DLG2: variants seen among roughly 807,000 people sequenced by gnomAD.
DLG2 encodes discs large MAGUK scaffold protein 2.
DLG2 carries 45 observed loss-of-function variants against 132.5 expected under a neutral mutation model. That is an observed-to-expected ratio of 0.34 (90% CI 0.27 to 0.44). The LOEUF is 0.44. Ranked by LOEUF, DLG2 falls within the 20% of genes least tolerant of loss-of-function variation. The pLI is 1.00. For synonymous variants in DLG2, 424 were observed against 419.6 expected, an observed-to-expected ratio of 1.01 and a Z score of -0.13; for missense variants, 1,045 against 1,196.9, an observed-to-expected ratio of 0.87 and a Z score of 1.87.
At chr11:84,961,438 C>G (rs1335307882) in intron 6 of DLG2, among the ~76,000 whole-genome samples, 1 of 151,802 alleles carries the variant, frequency 6.6e-6, no homozygotes, top group African/African-American at 2.4e-5. Context: ...ACAGGCCCAA[C>G]CTTTCTCCTG....
At chr11:84,830,369 C>CTT (rs1566080085) in intron 6 of DLG2, among the ~76,000 whole-genome samples, 1 of 147,726 alleles carries the variant, frequency 6.8e-6, no homozygotes, top group Admixed American at 6.8e-5. Context: ...GCGTCATCTA[C>CTT]GTTTTTTTTT....
At chr11:84,171,455 T>C (rs761628955) in intron 8 of DLG2, among the ~76,000 whole-genome samples, 3 of 152,182 alleles carry the variant, frequency 2.0e-5, no homozygotes, top group Non-Finnish European at 2.9e-5. Context: ...ACATAGCTCC[T>C]ACTTATAAGT....
At chr11:83,737,925 T>C (rs1380636686) in intron 18 of DLG2, among the ~76,000 whole-genome samples, 1 of 152,190 alleles carries the variant, frequency 6.6e-6, no homozygotes, top group East Asian at 1.9e-4. Context: ...CTGCCTTACA[T>C]AATCTTCTTT....
chr11:83,917,787 GTCACATGA>G (rs1248055009), intron 15 of DLG2, among the ~76,000 whole-genome samples: 3 of 152,186 alleles, frequency 2.0e-5, no homozygotes, highest in Non-Finnish European at 2.9e-5. Flanking sequence ...GTGCTCATGT[GTCACATGA>G]TAACATACAG....
chr11:84,330,671 G>A (rs553570429), intron 7 of DLG2, among the ~76,000 whole-genome samples: 1 of 152,218 alleles, frequency 6.6e-6, no homozygotes, highest in East Asian at 1.9e-4. Flanking sequence ...CAGAGCAGGG[G>A]AGAAAACTAA....
chr11:84,251,412 G>A (rs921538439), intron 7 of DLG2, 121 bp from the exon 8 acceptor site: 17 of 650,412 alleles, frequency 2.6e-5, no homozygotes, highest in African/African-American at 9.7e-5. Context: ...TACAGGCACC[G>A]TGTCAAGTGT....
chr11:84,767,461 G>T (rs1254938187), intron 6 of DLG2, among the ~76,000 whole-genome samples: 1 of 151,918 alleles, frequency 6.6e-6, no homozygotes, highest in African/African-American at 2.4e-5. Flanking sequence ...TTGCTATGGG[G>T]ATTTAAAAGA....
intron 7 of DLG2, among the ~76,000 whole-genome samples, chr11:84,531,288 T>C (rs1278008997): frequency 1.3e-5 from 2 of 152,000 alleles, no homozygotes; most frequent in African/African-American, 4.8e-5. Context: ...TACATATGGA[T>C]ACAAACAAGG....
chr11:85,316,060 T>C (rs1180256983), intron 3 of DLG2, among the ~76,000 whole-genome samples: 1 of 152,026 alleles, frequency 6.6e-6, no homozygotes, highest in Non-Finnish European at 1.5e-5. Context: ...AGGGTTGAAT[T>C]ACTGTTCACC....
intron 21 of DLG2, among the ~76,000 whole-genome samples, chr11:83,513,472 G>T (rs1337888104): frequency 6.6e-6 from 1 of 152,174 alleles, no homozygotes; most frequent in African/African-American, 2.4e-5. Context: ...CTCCCATTCT[G>T]TAGGTTGCCT....
intron 5 of DLG2, among the ~76,000 whole-genome samples, chr11:85,148,584 A>T (rs559084274): frequency 1.3e-5 from 2 of 152,266 alleles, no homozygotes; most frequent in East Asian, 3.9e-4. Context: ...TCCTTTGCCC[A>T]CTTTTTAATG....
intron 7 of DLG2, among the ~76,000 whole-genome samples, chr11:84,360,621 A>G (rs944930195): frequency 6.6e-6 from 1 of 151,952 alleles, no homozygotes; most frequent in Non-Finnish European, 1.5e-5. Context: ...AGTTTCTCCA[A>G]TGCACTGAAG....
chr11:83,793,747 G>T (rs1237959889), intron 17 of DLG2, among the ~76,000 whole-genome samples: 2 of 152,096 alleles, frequency 1.3e-5, no homozygotes, highest in African/African-American at 4.8e-5. Context: ...CAGGGCTGTT[G>T]CAGGTATAAA....
chr11:83,501,591 T>C (rs1294418129), intron 21 of DLG2, among the ~76,000 whole-genome samples: 2 of 152,206 alleles, frequency 1.3e-5, no homozygotes, highest in Non-Finnish European at 2.9e-5. Flanking sequence ...TCTACCATTC[T>C]CAAATCCTGA....
At chr11:85,048,533 C>A (rs563557075) in intron 6 of DLG2, among the ~76,000 whole-genome samples, 1 of 151,948 alleles carries the variant, frequency 6.6e-6, no homozygotes, top group Non-Finnish European at 1.5e-5. Flanking sequence ...GAGAAATAAC[C>A]TTTAGACTTC....
chr11:85,101,822 A>G (rs540809230), intron 6 of DLG2, among the ~76,000 whole-genome samples: 1 of 152,206 alleles, frequency 6.6e-6, no homozygotes, highest in South Asian at 2.1e-4. Context: ...GAGCTTAGCA[A>G]CCCCTTAAAG....
intron 18 of DLG2, among the ~76,000 whole-genome samples, chr11:83,784,727 C>T (rs537908570): frequency 6.6e-6 from 1 of 152,262 alleles, no homozygotes; most frequent in South Asian, 2.1e-4. Flanking sequence ...CATGTTTGTC[C>T]TTTTATGTAA....
At chr11:85,305,520 T>C (rs571499819) in intron 3 of DLG2, among the ~76,000 whole-genome samples, 1 of 152,130 alleles carries the variant, frequency 6.6e-6, no homozygotes, top group Non-Finnish European at 1.5e-5. Flanking sequence ...TATTTATTTA[T>C]TTATTTTTTT....
At chr11:83,992,925 G>A (rs1268841751) in intron 11 of DLG2, among the ~76,000 whole-genome samples, 2 of 152,152 alleles carry the variant, frequency 1.3e-5, no homozygotes, top group Admixed American at 1.3e-4. Context: ...TGTTGGAATA[G>A]CTATTAGGGA....
Sources: gnomAD v4.1 joint callset for allele counts (sites outside exome capture counted in the v4.1 genomes callset) on GRCh38, gnomAD v4.1.1 for gene constraint, MANE v1.5 for transcripts, NCBI Gene and HGNC (gene_info 2026-07-23, HGNC 2026-07-21) for gene names.